The following ABCC6 variants were observed in gnomAD, a reference collection of about 807,000 sequenced individuals.
ABCC6 encodes the protein ATP binding cassette subfamily C member 6, also known as ATP-binding cassette sub-family C member 6.
A neutral mutation model predicts 169.5 loss-of-function variants in ABCC6; 126 were observed. That is an observed-to-expected ratio of 0.74 (90% CI 0.64 to 0.86). The LOEUF (loss-of-function observed/expected upper bound fraction) is 0.86, where lower values mean the gene tolerates loss of function less well. ABCC6 is among the 40% of genes least tolerant of loss of function. ABCC6 has a pLI of 0.00. For synonymous variants in ABCC6, 752 were observed against 814.7 expected (o/e 0.92, Z 1.31); for missense variants, 1,733 against 1,927.2 (o/e 0.90, Z 1.89).
At chr16:16,186,078 G>A (rs2047646047) in intron 14 of ABCC6, among the ~76,000 whole-genome samples, 1 of 152,174 alleles carries the variant, frequency 6.6e-6, no homozygotes, top group Non-Finnish European at 1.5e-5. Context: ...GACCTGGGCA[G>A]TTGAATGCCA....
At chr16:16,151,208 C>A (rs1300377749) in intron 29 of ABCC6, among the ~76,000 whole-genome samples, 1 of 152,086 alleles carries the variant, frequency 6.6e-6, no homozygotes, top group African/African-American at 2.4e-5. Flanking sequence ...GAATTACAGT[C>A]ATGCGCCACC....
At chr16:16,164,301 T>G (rs950195641) in intron 23 of ABCC6, among the ~76,000 whole-genome samples, 3 of 152,012 alleles carry the variant, frequency 2.0e-5, no homozygotes, top group African/African-American at 7.2e-5. Flanking sequence ...CAAAGTGCTG[T>G]GATTAGATGT....
chr16:16,173,160 C>T, intron 21 of ABCC6, 124 bp downstream of exon 21: 1 of 1,306,920 alleles, frequency 7.7e-7, no homozygotes, highest in South Asian at 1.3e-5. Flanking sequence ...TAGAATGCTA[C>T]TGGCACATAG....
rs934129472 is a variant in ABCC6 at position 16,157,842 on chromosome 16, C to A, written c.3736-33G>T. ...AGGAGGGGAAACTGAGTCAGAGGAG[C>A]CTTCCTCTAAGACTTCACACAAGAT... On this transcript the variant is annotated intron_variant, in intron 26 of 30. Transcript: ENST00000205557. 3.8e-6 allele frequency: 6 copies of A among 1,599,478 alleles called. No individual in the cohort carries two copies. The African/African-American group carries it at 6.7e-5, about 18-fold the overall frequency.
intron 24 of ABCC6, 87 bp downstream of exon 24, chr16:16,162,906 C>A: frequency 4.5e-6 from 7 of 1,556,914 alleles, no homozygotes; most frequent in Non-Finnish European, 6.2e-6. Context: ...CTCTGGGTGA[C>A]CTCTCTACCA....
At position 16,157,821 on chromosome 16, in the gene ABCC6, G is replaced by A. The variant is rs764975772; in HGVS notation, c.3736-12C>T. 4 of 1,606,890 alleles carry A rather than the reference G, an allele frequency of 2.5e-6. No individual in the cohort carries two copies. Among genetic ancestry groups the A allele is most frequent in the Non-Finnish European group, 3.4e-6 (4 of 1,178,358 alleles). ...AGCCTCCAGGGAGCCTGGAGCAGGA[G>A]GGGAAACTGAGTCAGAGGAGCCTTC... On this transcript the variant is annotated splice_polypyrimidine_tract_variant and intron_variant, in intron 26 of 30. Coordinates refer to ENST00000205557, the MANE Select transcript of ABCC6 (RefSeq NM_001171.6).
intron 10 of ABCC6, among the ~76,000 whole-genome samples, chr16:16,194,337 G>A (rs1253662888): frequency 6.6e-6 from 1 of 152,250 alleles, no homozygotes; most frequent in Non-Finnish European, 1.5e-5. Flanking sequence ...GATAAAGAGT[G>A]AATAAGGTTT....
intron 21 of ABCC6, among the ~76,000 whole-genome samples, chr16:16,171,534 A>G (rs2047065489): frequency 6.6e-6 from 1 of 152,188 alleles, no homozygotes; most frequent in South Asian, 2.1e-4. Flanking sequence ...TGCTGGATGG[A>G]TGAGAGGGTA....
At position 16,150,752 on chromosome 16, in the gene ABCC6, A is replaced by G; in HGVS notation, c.4229T>C (p.Leu1410Pro). Reference sequence around the variant, plus strand: ...CCGGAGAAGGGCACGTGCCAGACACAGGAGCTGTTTCTGGCCCACGCTGGG... The same window carrying G: ...CCGGAGAAGGGCACGTGCCAGACACGGGAGCTGTTTCTGGCCCACGCTGGG... The part of the protein sequence containing the change: ...EDLSVGQKQL[L>P]CLARALLRKT... Residue 1410 changes from leucine to proline, a missense_variant, in exon 30 of 31, where the codon CTG (leucine) becomes CCG (proline). This residue lies in a region of ABCC6 where 1,601 missense variants were observed against 1,635.5 expected (regional missense o/e 0.98). Transcript: ENST00000205557. 1 of 1,613,804 alleles carries G rather than the reference A, an allele frequency of 6.2e-7. No individual in the cohort carries two copies.
At chr16:16,162,889 C>T in intron 24 of ABCC6, 104 bp downstream of exon 24, 1 of 1,457,584 alleles carries the variant, frequency 6.9e-7, no homozygotes. Flanking sequence ...CAACTATGTC[C>T]CTGACTCTCT....
chr16:16,217,370 C>A (rs1359880515), intron 4 of ABCC6, among the ~76,000 whole-genome samples: 1 of 152,208 alleles, frequency 6.6e-6, no homozygotes, highest in South Asian at 2.1e-4. Flanking sequence ...CCGTCATTCC[C>A]TTCTCCTAGC....
chr16:16,215,406 T>A (rs2048825609), intron 4 of ABCC6, among the ~76,000 whole-genome samples: 1 of 152,130 alleles, frequency 6.6e-6, no homozygotes, highest in East Asian at 1.9e-4. Context: ...TTTCTTTTTT[T>A]AATTTAAAGC....
chr16:16,195,303 A>AT (rs61393724), intron 10 of ABCC6, among the ~76,000 whole-genome samples: 2,912 of 96,550 alleles, frequency 0.03, 173 homozygotes, highest in African/African-American at 0.061. Context: ...GTCTCATCTA[A>AT]TTTTTTTTTT....
chr16:16,157,741 C>T lies in ABCC6; in HGVS notation c.3804G>A (p.Arg1268=), dbSNP rs1026155579. 8 of 1,613,866 alleles carry T rather than the reference C, an allele frequency of 5.0e-6. No individual in the cohort carries two copies. In the African/African-American group the frequency reaches 1.1e-4, roughly 22 times the overall value. The change falls in exon 27 of 31, where the codon CGG becomes CGA. Residue 1268 remains arginine, a synonymous_variant. Transcript: ENST00000205557. ...CAGGTCGGTATCTTAGCCCAAAGTC[C>T]CGGAACTCGATCTGCCCGCCCTGAG... ...PWPQGGQIEF[R]DFGLRYRPEL...
intron 21 of ABCC6, among the ~76,000 whole-genome samples, chr16:16,172,319 ATGAGTG>A (rs1567489379): frequency 0.46 from 68 of 148 alleles, 32 homozygotes; most frequent in Non-Finnish European, 0.5. Flanking sequence ...ATAAATGGGT[ATGAGTG>A]GGTGGGATGG....
At chr16:16,168,295 AGCCTG>A (rs1280312889) in intron 22 of ABCC6, among the ~76,000 whole-genome samples, 894 of 151,616 alleles carry the variant, frequency 5.9e-3, no homozygotes, top group Admixed American at 7.4e-3. Flanking sequence ...GTTTGAGACC[AGCCTG>A]GGCAACACGG....
At chr16:16,179,594 C>T (rs1328486106) in intron 17 of ABCC6, among the ~76,000 whole-genome samples, 3 of 152,014 alleles carry the variant, frequency 2.0e-5, no homozygotes, top group African/African-American at 4.8e-5. Flanking sequence ...CTGCTGTTGT[C>T]GTTGTTATTA....
In ABCC6 at chr16:16,159,514, G is replaced by A. The variant is rs63750402; in HGVS notation, c.3703C>T (p.Arg1235Trp). ...DLENSIVSVE[R>W]MQDYAWTPKE... Reference sequence around the variant, plus strand: ...GGCGTCCAGGCATAGTCCTGCATCCGCTCCACTGACACGATGCTGTTCTCT... The same window carrying A: ...GGCGTCCAGGCATAGTCCTGCATCCACTCCACTGACACGATGCTGTTCTCT... Residue 1235 changes from arginine (R) to tryptophan (W), a missense_variant, in exon 26 of 31, where the codon CGG (arginine) becomes TGG (tryptophan). Transcript: ENST00000205557. 39 of 1,613,830 alleles carry A rather than the reference G, an allele frequency of 2.4e-5. No individual in the cohort carries two copies. The highest frequency in any genetic ancestry group is 1.3e-4 in the East Asian group (6 of 44,878).
intron 10 of ABCC6, among the ~76,000 whole-genome samples, chr16:16,195,079 A>G (rs1250953326): frequency 6.6e-6 from 1 of 152,118 alleles, no homozygotes; most frequent in African/African-American, 2.4e-5. Context: ...GGTAAACACC[A>G]GCCCACAGCA....
Sources: allele counts gnomAD v4.1 joint callset (sites outside exome capture counted in the v4.1 genomes callset), GRCh38; gene constraint gnomAD v4.1.1; regional missense constraint gnomAD v4.1.1; transcripts MANE v1.5; gene names NCBI Gene and HGNC (gene_info 2026-07-23, HGNC 2026-07-21).